DHX57: variants seen among roughly 807,000 people sequenced by gnomAD.
The protein encoded by DHX57 is putative ATP-dependent RNA helicase DHX57.
In DHX57, 105 loss-of-function variants were observed where a neutral mutation model predicts 156.2. The ratio of observed to expected loss-of-function variants is 0.67; its 90% CI spans 0.57 to 0.79. The LOEUF is 0.79. Ranked by LOEUF, DHX57 falls within the 30% of genes least tolerant of loss-of-function variation. The probability of loss-of-function intolerance (pLI) is 0.00; values close to 1 mark genes in which losing one functional copy is unlikely to be tolerated. For synonymous variants in DHX57, 704 were observed against 595.6 expected (o/e 1.18, Z -2.65); for missense variants, 1,847 against 1,661.9 (o/e 1.11, Z -1.94).
chr2:38,868,462 T>A, intron 1 of DHX57, 51 bp from the exon 2 acceptor site: 1 of 1,563,836 alleles, frequency 6.4e-7, no homozygotes, highest in Non-Finnish European at 8.7e-7. Context: ...ACATGTATGA[T>A]AATCCTTTGT....
chr2:38,847,738 C>T (rs1204018481), intron 10 of DHX57, among the ~76,000 whole-genome samples: 2 of 152,122 alleles, frequency 1.3e-5, no homozygotes, highest in South Asian at 2.1e-4. Context: ...CAATGGAATG[C>T]TAGAAATAAG....
At chr2:38,858,925 A>G (rs768183849) in intron 5 of DHX57, 89 bp from the exon 6 acceptor site, 67 of 1,320,306 alleles carry the variant, frequency 5.1e-5, no homozygotes, top group Non-Finnish European at 6.4e-5. Context: ...ATCAACAACA[A>G]AAAGTCAAAA....
chr2:38,865,360 C>A (rs546843222), intron 2 of DHX57, among the ~76,000 whole-genome samples: 22 of 152,218 alleles, frequency 1.4e-4, no homozygotes, highest in African/African-American at 5.1e-4. Flanking sequence ...AGGGGTGTCC[C>A]CCTTTACTTG....
At chr2:38,810,535 C>A (rs1670185417) in intron 21 of DHX57, 1 of 564,250 alleles carries the variant, frequency 1.8e-6, no homozygotes, top group Non-Finnish European at 3.4e-6. Flanking sequence ...CTCATCATTG[C>A]CCTCCACGTT....
intron 1 of DHX57, among the ~76,000 whole-genome samples, chr2:38,870,170 G>A (rs922451611): frequency 1.3e-5 from 2 of 152,038 alleles, no homozygotes; most frequent in Non-Finnish European, 2.9e-5. Flanking sequence ...GCTGAAAACA[G>A]AGAGAACGAT....
rs184340415 is a variant in DHX57 at position 38,845,172 on chromosome 2, G to A, written c.2219+1847C>T. Among the ~76,000 whole-genome samples, 384 of 151,728 alleles carry A rather than the reference G, an allele frequency of 2.5e-3. 2 individuals are homozygous for A. The highest frequency in any genetic ancestry group is 4.1e-3 in the Non-Finnish European group (280 of 67,952). On this transcript the variant is annotated intron_variant, in intron 11 of 23. Transcript: ENST00000457308. ...TGATAGCACCACTGCACTCAGCCTG[G>A]GTGACAGAGTGAGGCTGTCTTAAAA...
intron 5 of DHX57, among the ~76,000 whole-genome samples, chr2:38,859,089 C>T (rs537190563): frequency 8.1e-4 from 123 of 152,296 alleles, no homozygotes; most frequent in African/African-American, 2.6e-3. Flanking sequence ...TTCAACTGTA[C>T]GCAAGTGTCC....
intron 9 of DHX57, among the ~76,000 whole-genome samples, chr2:38,851,215 T>G (rs1672575437): frequency 6.6e-6 from 1 of 152,120 alleles, no homozygotes; most frequent in African/African-American, 2.4e-5. Context: ...CCCAATATAC[T>G]CCCAGAAGAA....
intron 17 of DHX57, among the ~76,000 whole-genome samples, chr2:38,822,691 G>C (rs1462989784): frequency 1.3e-5 from 2 of 152,176 alleles, no homozygotes; most frequent in Non-Finnish European, 2.9e-5. Flanking sequence ...CACCGCGCTT[G>C]GCCTGGATTA....
chr2:38,871,042 A>G (rs1015415388), intron 1 of DHX57, among the ~76,000 whole-genome samples: 1 of 152,206 alleles, frequency 6.6e-6, no homozygotes, highest in African/African-American at 2.4e-5. Flanking sequence ...AAATACTAAC[A>G]GTTCTTCAAG....
chr2:38,827,149 A>G (rs976137101), intron 14 of DHX57, among the ~76,000 whole-genome samples: 2 of 151,526 alleles, frequency 1.3e-5, no homozygotes, highest in Non-Finnish European at 2.9e-5. Flanking sequence ...AAAATAAAAT[A>G]AAATAAAATA....
At chr2:38,839,098 A>AT (rs1194869483) in intron 12 of DHX57, among the ~76,000 whole-genome samples, 1 of 151,490 alleles carries the variant, frequency 6.6e-6, no homozygotes, top group East Asian at 2.0e-4. Flanking sequence ...CGGCCAGCTA[A>AT]TTTTTGTATT....
At position 38,823,188 on chromosome 2, in the gene DHX57, A is replaced by G; in HGVS notation, c.3096T>C (p.Ser1032=). 6.2e-7 allele frequency: 1 copy of G among 1,614,206 alleles called. No individual in the cohort carries two copies. Among genetic ancestry groups the G allele is most frequent in the Non-Finnish European group, 8.5e-7 (1 of 1,180,042 alleles). ...SRLIEPPHTD[S]LRASKIRLRD... ...GTAATCGTATTTTTGAGGCACGAAG[A>G]GAATCGGTGTGTGGAGGTTCAATGA... Residue 1032 remains serine (S), a synonymous_variant, in exon 17 of 24, where the codon TCT becomes TCC. Coordinates refer to ENST00000457308, the MANE Select transcript of DHX57 (RefSeq NM_198963.3).
At chr2:38,838,752 AATG>A (rs780962996) in intron 12 of DHX57, 2 of 455,370 alleles carry the variant, frequency 4.4e-6, no homozygotes, top group South Asian at 1.6e-5. Flanking sequence ...CCTTTGAGAA[AATG>A]ATAAGTGGTT....
chr2:38,854,359 T>A, intron 8 of DHX57, 181 bp from the exon 9 acceptor site: 1 of 476,584 alleles, frequency 2.1e-6, no homozygotes, highest in Non-Finnish European at 3.6e-6. Context: ...CCTTTCTACT[T>A]CATATCACAA....
intron 13 of DHX57, among the ~76,000 whole-genome samples, chr2:38,830,892 GA>G (rs1468132067): frequency 6.6e-6 from 1 of 152,004 alleles, no homozygotes; most frequent in Non-Finnish European, 1.5e-5. Context: ...CTAGGAGTTT[GA>G]AACCAGTCTG....
At chr2:38,798,681 C>T (rs1212896314) in intron 23 of DHX57, among the ~76,000 whole-genome samples, 1 of 152,218 alleles carries the variant, frequency 6.6e-6, no homozygotes, top group Non-Finnish European at 1.5e-5. Context: ...CGCAGTGGCT[C>T]ACGCCTGTAA....
chr2:38,809,454 C>T (rs1250430000), intron 21 of DHX57, among the ~76,000 whole-genome samples: 1 of 135,834 alleles, frequency 7.4e-6, no homozygotes, highest in Non-Finnish European at 1.6e-5. Context: ...CTATTTCTTT[C>T]TGTTTTTTTT....
At chr2:38,819,239 A>G (rs1670697313) in intron 17 of DHX57, 95 bp from the exon 18 acceptor site, 3 of 1,122,696 alleles carry the variant, frequency 2.7e-6, no homozygotes, top group Non-Finnish European at 2.6e-6. Context: ...CAGTGGTGCG[A>G]TCATAGCCCA....
Sources: allele counts gnomAD v4.1 joint callset (sites outside exome capture counted in the v4.1 genomes callset), GRCh38; gene constraint gnomAD v4.1.1; transcripts MANE v1.5; gene names NCBI Gene and HGNC (gene_info 2026-07-23, HGNC 2026-07-21).